ANKRD12: variants seen among roughly 807,000 people sequenced by gnomAD.
ANKRD12 encodes ankyrin repeat domain 12.
A neutral mutation model predicts 183.4 loss-of-function variants in ANKRD12; 85 were observed. That is an observed-to-expected ratio of 0.46 (90% CI 0.39 to 0.56). The LOEUF (loss-of-function observed/expected upper bound fraction) is 0.56. ANKRD12 is among the 20% of genes least tolerant of loss of function. ANKRD12 has a pLI of 0.00. For synonymous variants in ANKRD12, 914 were observed against 800.2 expected (o/e 1.14, Z -2.40); for missense variants, 2,405 against 2,357.1 (o/e 1.02, Z -0.42).
At chr18:9,182,807 TTC>T (rs986992109) in intron 2 of ANKRD12, among the ~76,000 whole-genome samples, 1 of 152,164 alleles carries the variant, frequency 6.6e-6, no homozygotes, top group Non-Finnish European at 1.5e-5. Flanking sequence ...TGACCTGTAA[TTC>T]TGTCTTTTTA....
chr18:9,175,523 CTTTTTTTTTTT>C (rs33944736), intron 1 of ANKRD12, among the ~76,000 whole-genome samples: 51 of 53,312 alleles, frequency 9.6e-4, no homozygotes, highest in African/African-American at 2.5e-3. Context: ...AAAGGCTCCT[CTTTTTTTTTTT>C]TTTTTTTTTT....
At chr18:9,139,599 A>C (rs1043813555) in intron 1 of ANKRD12, among the ~76,000 whole-genome samples, 8 of 152,212 alleles carry the variant, frequency 5.3e-5, no homozygotes, top group African/African-American at 1.7e-4. Flanking sequence ...AGAGGTTTCT[A>C]CTGCTCTCTG....
At chr18:9,280,762 C>G (rs1598798987) in intron 12 of ANKRD12, among the ~76,000 whole-genome samples, 179 bp from the exon 13 acceptor site, 1 of 151,940 alleles carries the variant, frequency 6.6e-6, no homozygotes, top group Non-Finnish European at 1.5e-5. Flanking sequence ...GCACTCCAGC[C>G]TGGGAGACAG....
At chr18:9,230,217 TG>T (rs1393714063) in intron 8 of ANKRD12, among the ~76,000 whole-genome samples, 1 of 152,230 alleles carries the variant, frequency 6.6e-6, no homozygotes, top group African/African-American at 2.4e-5. Flanking sequence ...TTTGGCAGGT[TG>T]TATATTTCCA....
intron 1 of ANKRD12, among the ~76,000 whole-genome samples, chr18:9,148,228 C>G (rs2143503042): frequency 6.6e-6 from 1 of 152,192 alleles, no homozygotes; most frequent in South Asian, 2.1e-4. Flanking sequence ...AATCTCAGAC[C>G]TTTAGAAGTC....
At chr18:9,144,115 A>G (rs1359361858) in intron 1 of ANKRD12, among the ~76,000 whole-genome samples, 4 of 152,212 alleles carry the variant, frequency 2.6e-5, no homozygotes, top group Admixed American at 2.0e-4. Context: ...GACTTGACAC[A>G]TCATATCCTG....
intron 1 of ANKRD12, among the ~76,000 whole-genome samples, chr18:9,149,390 T>C (rs1334430817): frequency 1.3e-5 from 2 of 152,234 alleles, no homozygotes; most frequent in African/African-American, 2.4e-5. Context: ...TAAGGAGAAT[T>C]AGTTCATTTA....
intron 1 of ANKRD12, among the ~76,000 whole-genome samples, chr18:9,152,119 A>T (rs1241952408): frequency 6.6e-6 from 1 of 152,238 alleles, no homozygotes; most frequent in Admixed American, 6.5e-5. Flanking sequence ...TCTAAAGTAC[A>T]TGTTTTAGGG....
intron 8 of ANKRD12, among the ~76,000 whole-genome samples, chr18:9,237,624 G>A (rs1195507317): frequency 6.6e-6 from 1 of 152,148 alleles, no homozygotes; most frequent in Non-Finnish European, 1.5e-5. Context: ...ATAAGGTATT[G>A]TTGAGTTCAA....
intron 8 of ANKRD12, among the ~76,000 whole-genome samples, chr18:9,228,781 G>C (rs2036871659): frequency 6.6e-6 from 1 of 151,970 alleles, no homozygotes; most frequent in Non-Finnish European, 1.5e-5. Context: ...TTACCCTCTT[G>C]ATTCTTTTTG....
chr18:9,251,548 C>T (rs2038298362), intron 8 of ANKRD12, among the ~76,000 whole-genome samples: 1 of 152,080 alleles, frequency 6.6e-6, no homozygotes, highest in Non-Finnish European at 1.5e-5. Context: ...AATCCCAGCA[C>T]TTTGGGAAGC....
chr18:9,237,249 A>G (rs1289710257), intron 8 of ANKRD12, among the ~76,000 whole-genome samples: 1 of 152,216 alleles, frequency 6.6e-6, no homozygotes, highest in Non-Finnish European at 1.5e-5. Context: ...AAATGATAGG[A>G]TATGAACAAG....
chr18:9,222,505 TAAC>T (rs772614394), intron 8 of ANKRD12, among the ~76,000 whole-genome samples: 5 of 151,696 alleles, frequency 3.3e-5, no homozygotes, highest in South Asian at 2.1e-4. Context: ...TTTTTAAAGA[TAAC>T]AAAAAAACAT....
intron 10 of ANKRD12, among the ~76,000 whole-genome samples, chr18:9,270,838 G>A (rs958282926): frequency 1.7e-4 from 26 of 152,220 alleles, no homozygotes; most frequent in African/African-American, 5.5e-4. Context: ...CATCTTACTC[G>A]TATTTGACCA....
intron 5 of ANKRD12, among the ~76,000 whole-genome samples, chr18:9,211,187 TTGTC>T (rs1248203200): frequency 4.6e-5 from 7 of 152,190 alleles, no homozygotes; most frequent in Non-Finnish European, 1.0e-4. Context: ...CTCCAATGCT[TTGTC>T]TGAGTCAGAA....
chr18:9,276,422 C>T (rs1368599542), intron 11 of ANKRD12, among the ~76,000 whole-genome samples: 4 of 152,110 alleles, frequency 2.6e-5, no homozygotes, highest in Non-Finnish European at 5.9e-5. Flanking sequence ...AGGTTTCAAA[C>T]TTAAGGCACT....
Position 9,201,144 on chromosome 18 carries a change from T to C in ANKRD12, c.236-3332T>C, listed in dbSNP as rs529350189. 1.7e-4 allele frequency among the ~76,000 whole-genome samples: 26 copies of C among 152,346 alleles called. No homozygotes were observed. The South Asian group carries it at 5.4e-3, about 32-fold the overall frequency. ...TCCCTGATCAAAACTGGGGTATTCC[T>C]GGTAAGAAAAGGAGAATGAATATTG... On this transcript the variant is annotated intron_variant, in intron 3 of 12. Transcript: ENST00000262126.
At chr18:9,226,096 C>T (rs2036692111) in intron 8 of ANKRD12, among the ~76,000 whole-genome samples, 1 of 151,960 alleles carries the variant, frequency 6.6e-6, no homozygotes, top group Admixed American at 6.6e-5. Flanking sequence ...TTTGAAATGC[C>T]TCCACCTGTA....
intron 11 of ANKRD12, among the ~76,000 whole-genome samples, chr18:9,277,404 T>C (rs2039898214): frequency 6.9e-6 from 1 of 145,824 alleles, no homozygotes; most frequent in Non-Finnish European, 1.5e-5. Context: ...CTCGGCTCAC[T>C]GCAAGCTCTG....
Sources: gnomAD v4.1 joint callset for allele counts (sites outside exome capture counted in the v4.1 genomes callset) on GRCh38, gnomAD v4.1.1 for gene constraint, MANE v1.5 for transcripts, NCBI Gene and HGNC (gene_info 2026-07-23, HGNC 2026-07-21) for gene names.